Variants in CDH18 observed in about 807,000 individuals in gnomAD.
The protein encoded by CDH18 is cadherin 18.
CDH18 carries 31 observed loss-of-function variants against 67.9 expected under a neutral mutation model. The observed-to-expected ratio is 0.46, with a 90% confidence interval of 0.34 to 0.62. The LOEUF (loss-of-function observed/expected upper bound fraction) is 0.62, where lower values mean the gene tolerates loss of function less well. CDH18 is among the 20% of genes least tolerant of loss of function. The pLI is 0.01. For missense variants in CDH18, 890 were observed against 975.5 expected (o/e 0.91, Z 1.17); for synonymous variants, 362 against 347.2 (o/e 1.04, Z -0.48).
intron 2 of CDH18, among the ~76,000 whole-genome samples, chr5:20,060,803 C>T (rs946445518): frequency 6.6e-5 from 10 of 151,834 alleles, no homozygotes; most frequent in South Asian, 2.1e-4. Flanking sequence ...TGAAGGCAAC[C>T]GAAATATTAT....
At chr5:20,182,413 A>G (rs980777427) in intron 2 of CDH18, among the ~76,000 whole-genome samples, 1 of 151,540 alleles carries the variant, frequency 6.6e-6, no homozygotes, top group Non-Finnish European at 1.5e-5. Context: ...GACCAGCCTG[A>G]CCAAAATGGA....
chr5:19,824,258 C>T (rs1404108205), intron 3 of CDH18, among the ~76,000 whole-genome samples: 1 of 151,984 alleles, frequency 6.6e-6, no homozygotes, highest in Non-Finnish European at 1.5e-5. Flanking sequence ...GAATACTGAC[C>T]CTGCAAGCTG....
chr5:19,605,242 G>A lies in CDH18; in HGVS notation c.811+7192C>T, dbSNP rs182965238. Among the ~76,000 whole-genome samples the A allele has an allele frequency of 4.5e-3, 686 of 151,768 alleles. 2 individuals are homozygous for A. The highest frequency in any genetic ancestry group is 6.5e-3 in the Non-Finnish European group (438 of 67,810). On this transcript the variant is annotated intron_variant, in intron 6 of 12. Transcript: ENST00000382275. Reference sequence around the variant, plus strand: ...AAAATATTCAATTCTAAAATCAGAAGAATGTAATACTATTATTTATTTATA... The same window carrying A: ...AAAATATTCAATTCTAAAATCAGAAAAATGTAATACTATTATTTATTTATA...
intron 1 of CDH18, among the ~76,000 whole-genome samples, chr5:20,475,677 A>G (rs1467522549): frequency 1.3e-5 from 2 of 152,306 alleles, no homozygotes; most frequent in East Asian, 3.9e-4. Context: ...TAATAATTAT[A>G]CCATCTACTT....
intron 2 of CDH18, among the ~76,000 whole-genome samples, chr5:19,973,243 G>A (rs1430975523): frequency 6.6e-6 from 1 of 152,076 alleles, no homozygotes; most frequent in African/African-American, 2.4e-5. Flanking sequence ...ACAGGCAAAT[G>A]CCACATATAA....
At chr5:20,157,816 AT>A (rs1248401619) in intron 2 of CDH18, among the ~76,000 whole-genome samples, 9 of 151,856 alleles carry the variant, frequency 5.9e-5, no homozygotes, top group South Asian at 2.1e-4. Flanking sequence ...TAATTTTTGT[AT>A]TTTTAGTAGA....
rs368857577 is a variant in CDH18, at chr5:20,358,922, T to A, written c.-579-103417A>T. ...TTGGATTTGGAGTGATGCATTGGCCTTTTTTCTTTCTTTTTTTTTTTTTTT... is the reference window on the plus strand; with the variant it reads ...TTGGATTTGGAGTGATGCATTGGCCATTTTTCTTTCTTTTTTTTTTTTTTT... On this transcript the variant is annotated intron_variant, in intron 1 of 14. Transcript: ENST00000507958. Among the ~76,000 whole-genome samples the A allele has an allele frequency of 1.5e-3, 220 of 147,860 alleles. 1 individual carries two copies. The highest frequency in any genetic ancestry group is 5.4e-3 in the African/African-American group (212 of 39,068).
At chr5:20,043,530 G>A (rs1740632194) in intron 2 of CDH18, among the ~76,000 whole-genome samples, 1 of 152,172 alleles carries the variant, frequency 6.6e-6, no homozygotes, top group African/African-American at 2.4e-5. Context: ...CTTCTGTGCA[G>A]GGCACTAACT....
At chr5:20,384,676 A>G (rs763960415) in intron 1 of CDH18, among the ~76,000 whole-genome samples, 2 of 152,130 alleles carry the variant, frequency 1.3e-5, no homozygotes, top group South Asian at 2.1e-4. Context: ...TTTCCATACT[A>G]GCTATAATAA....
chr5:19,797,820 G>C (rs1777016716), intron 3 of CDH18, among the ~76,000 whole-genome samples: 1 of 151,840 alleles, frequency 6.6e-6, no homozygotes, highest in Non-Finnish European at 1.5e-5. Context: ...ATAAATATAG[G>C]CAAGCCTATT....
intron 2 of CDH18, among the ~76,000 whole-genome samples, chr5:19,882,386 C>T (rs1195198049): frequency 1.3e-5 from 2 of 151,910 alleles, no homozygotes; most frequent in Non-Finnish European, 2.9e-5. Context: ...ACATATAAGC[C>T]ACATTACCTT....
intron 3 of CDH18, among the ~76,000 whole-genome samples, chr5:19,783,815 T>G (rs1395996558): frequency 1.3e-5 from 2 of 152,140 alleles, no homozygotes; most frequent in Non-Finnish European, 2.9e-5. Flanking sequence ...CAAGAAAACA[T>G]TTACTATAGG....
intron 2 of CDH18, among the ~76,000 whole-genome samples, chr5:20,174,020 C>T (rs1396361): frequency 0.55 from 83,394 of 151,938 alleles, 23,016 homozygotes; most frequent in Middle Eastern, 0.68. Flanking sequence ...GCAAAGATAA[C>T]ATAATGTAAT....
intron 1 of CDH18, among the ~76,000 whole-genome samples, chr5:20,383,383 C>T (rs981679959): frequency 6.6e-6 from 1 of 152,090 alleles, no homozygotes; most frequent in African/African-American, 2.4e-5. Context: ...ACTGAACATA[C>T]ATCAAAGAAA....
intron 2 of CDH18, among the ~76,000 whole-genome samples, chr5:20,239,164 G>A (rs1486144131): frequency 1.3e-5 from 2 of 152,192 alleles, no homozygotes; most frequent in African/African-American, 2.4e-5. Context: ...TTTATAAAAT[G>A]CTCCAGTAGG....
At chr5:20,120,224 TAAA>T (rs1173734832) in intron 2 of CDH18, among the ~76,000 whole-genome samples, 3 of 152,118 alleles carry the variant, frequency 2.0e-5, no homozygotes, top group African/African-American at 7.2e-5. Flanking sequence ...GATAGATTAA[TAAA>T]ATAGTTCTGC....
At chr5:19,545,785 A>T (rs1243185631) in intron 8 of CDH18, among the ~76,000 whole-genome samples, 1 of 152,222 alleles carries the variant, frequency 6.6e-6, no homozygotes, top group African/African-American at 2.4e-5. Flanking sequence ...ACCCATGTGG[A>T]ATAAAAAGCA....
chr5:20,242,607 A>C lies in CDH18; in HGVS notation c.-518+12837T>G, dbSNP rs1307912595. Among the ~76,000 whole-genome samples the C allele has an allele frequency of 4.5e-5, 4 of 88,256 alleles. 1 individual carries two copies. Among genetic ancestry groups the C allele is most frequent in the South Asian group, 3.7e-4 (1 of 2,698 alleles). 57.9% of individuals were successfully genotyped at this position (88,256 alleles called of 152,430 possible). On this transcript the variant is annotated intron_variant, in intron 2 of 14. Coordinates refer to the CDH18 transcript ENST00000507958. ...GGGTTTCATTGAGGGAAAAAAAAAA[A>C]AAAAATATATATATATATATATATA...
At chr5:19,971,162 A>G (rs965355318) in intron 2 of CDH18, among the ~76,000 whole-genome samples, 1 of 152,010 alleles carries the variant, frequency 6.6e-6, no homozygotes, top group African/African-American at 2.4e-5. Context: ...AGTCTACCAG[A>G]CAAAAATAAA....
Sources: allele counts gnomAD v4.1 joint callset (sites outside exome capture counted in the v4.1 genomes callset), GRCh38; gene constraint gnomAD v4.1.1; transcripts MANE v1.5; gene names NCBI Gene and HGNC (gene_info 2026-07-23, HGNC 2026-07-21).